The following ZBTB40 variants were observed in gnomAD, a reference collection of about 807,000 sequenced individuals.
The protein encoded by ZBTB40 is zinc finger and BTB domain-containing protein 40.
A neutral mutation model predicts 117.5 loss-of-function variants in ZBTB40; 60 were observed. The ratio of observed to expected loss-of-function variants is 0.51; its 90% CI spans 0.41 to 0.63. ZBTB40 has a LOEUF of 0.63. Ranked by LOEUF, ZBTB40 falls within the 30% of genes least tolerant of loss-of-function variation. The pLI is 0.00. For missense variants in ZBTB40, 1,287 were observed against 1,498.5 expected (o/e 0.86, Z 2.33); for synonymous variants, 525 against 577.1 (o/e 0.91, Z 1.29).
upstream of ZBTB40, among the ~76,000 whole-genome samples, chr1:22,450,956 G>C (rs186784393): frequency 8.2e-4 from 125 of 152,368 alleles, no homozygotes; most frequent in African/African-American, 2.6e-3. Context: ...ACTGTGTTCA[G>C]TGGGCCAGCG....
At position 22,497,064 on chromosome 1, in the gene ZBTB40, A is replaced by G. The variant is rs564399432; in HGVS notation, c.832-4428A>G. Reference sequence around the variant, plus strand: ...AGCCTGATGTTCGAGGGCAGGAAGCATCCAGCATGGGAGAAAGATGAAGGC... The same window carrying G: ...AGCCTGATGTTCGAGGGCAGGAAGCGTCCAGCATGGGAGAAAGATGAAGGC... On this transcript the variant is annotated intron_variant, in intron 3 of 17. Transcript: ENST00000375647. Among the ~76,000 whole-genome samples, 123 of 152,352 alleles carry G rather than the reference A, an allele frequency of 8.1e-4. 1 individual carries two copies. The highest frequency in any genetic ancestry group is 2.8e-3 in the African/African-American group (118 of 41,580).
At chr1:22,510,387 T>C (rs1225458537) in intron 9 of ZBTB40, among the ~76,000 whole-genome samples, 1 of 152,212 alleles carries the variant, frequency 6.6e-6, no homozygotes, top group Non-Finnish European at 1.5e-5. Context: ...CGCCGTAACT[T>C]CAGAGATGGG....
Position 22,526,655 on chromosome 1 carries a change from A to G in ZBTB40, c.*259A>G, listed in dbSNP as rs1174732230. ...CCACAGGCCCGCTGCTGCGGCCTCT[A>G]TGACACTGTCCATCCCCAAGTGACA... On this transcript the variant is annotated 3_prime_UTR_variant, in exon 18 of 18. Coordinates refer to ENST00000375647, the MANE Select transcript of ZBTB40 (RefSeq NM_014870.4). The G allele has an allele frequency of 3.2e-5, 15 of 472,258 alleles. No homozygotes were observed. Among genetic ancestry groups the G allele is most frequent in the Non-Finnish European group, 5.5e-5 (14 of 254,946 alleles). 29.3% of individuals were successfully genotyped at this position (472,258 alleles called of 1,614,324 possible).
intron 1 of ZBTB40, among the ~76,000 whole-genome samples, chr1:22,478,528 G>A (rs1371231953): frequency 6.6e-6 from 1 of 152,152 alleles, no homozygotes; most frequent in Non-Finnish European, 1.5e-5. Flanking sequence ...ATTAAGGCGT[G>A]AGCCACCGTG....
At position 22,490,280 on chromosome 1, in the gene ZBTB40, A is replaced by G. The variant is rs1200283998; in HGVS notation, c.332A>G (p.Asn111Ser). The change falls in exon 2 of 18, where the codon AAT (asparagine) becomes AGT (serine). Residue 111 changes from asparagine (N) to serine (S), a missense_variant. Physicochemically the swap from Asn to Ser is conservative, Grantham distance 46 (BLOSUM62 1). Around this residue, in one of 2 missense-constraint regions of ZBTB40, gnomAD observed 870 missense variants for 934.4 expected, o/e 0.93. Transcript: ENST00000375647. ...QMFDVAVSCK[N>S]LLTSLVNCSV... is the part of the protein sequence containing the mutation. ...TTTGATGTAGCTGTTAGCTGCAAAA[A>G]TCTTCTGACCAGCCTTGTAAACTGC... is the stretch of plus-strand genomic sequence containing the variant. 3.1e-6 allele frequency: 5 copies of G among 1,614,056 alleles called. No homozygotes were observed. The highest frequency in any genetic ancestry group is 2.7e-5 in the African/African-American group (2 of 74,912).
At chr1:22,433,445 A>AAAAAAAAAAAAAAAAAAAAAAAAAAAAAC (rs1640626337) in intron 1 of ZBTB40, among the ~76,000 whole-genome samples, 1 of 90,406 alleles carries the variant, frequency 1.1e-5, no homozygotes, top group Non-Finnish European at 2.1e-5. Flanking sequence ...AAAAAAAAAA[A>AAAAAAAAAAAAAAAAAAAAAAAAAAAAAC]AAAAAAAAAA....
rs2281354 is a variant in ZBTB40 at position 22,526,648 on chromosome 1, G to A, written c.*252G>A. On this transcript the variant is annotated 3_prime_UTR_variant, in exon 18 of 18. Transcript: ENST00000375647. Reference sequence around the variant, plus strand: ...TCCCTCCCCACAGGCCCGCTGCTGCGGCCTCTATGACACTGTCCATCCCCA... The same window carrying A: ...TCCCTCCCCACAGGCCCGCTGCTGCAGCCTCTATGACACTGTCCATCCCCA... 151,626 of 494,762 alleles carry A rather than the reference G, an allele frequency of 0.31. 25,856 individuals carry two copies. Among genetic ancestry groups the A allele is most frequent in the South Asian group, 0.38 (19,283 of 50,714 alleles). The allele number at this position is 494,762 out of a possible 1,614,324, so 30.6% of individuals were successfully genotyped here. A position where few individuals can be genotyped will look rare whatever the true frequency, so the allele number is the denominator to read the frequency against.
chr1:22,509,070 T>C, intron 8 of ZBTB40, 30 bp from the exon 9 acceptor site: 3 of 1,614,126 alleles, frequency 1.9e-6, no homozygotes, highest in Non-Finnish European at 2.5e-6. Context: ...ATTGTTTGCC[T>C]AATGAGTTTT....
chr1:22,480,572 G>A (rs549104268), intron 1 of ZBTB40, among the ~76,000 whole-genome samples: 1 of 151,476 alleles, frequency 6.6e-6, no homozygotes, highest in Non-Finnish European at 1.5e-5. Context: ...GGATGGTCTC[G>A]ATCTCCTGAC....
At chr1:22,455,607 G>T (rs1640986996) in intron 1 of ZBTB40, among the ~76,000 whole-genome samples, 1 of 152,116 alleles carries the variant, frequency 6.6e-6, no homozygotes, top group Non-Finnish European at 1.5e-5. Flanking sequence ...CTAAAGTATT[G>T]CAGTTTTACT....
In ZBTB40 at chr1:22,522,351, C is replaced by T. The variant is rs748643585; in HGVS notation, c.3212-26C>T. ...GAGCCAACCATTTGTTCTTTCCCAG[C>T]ACGTCTTTCTTTATGCACTTCACAG... On this transcript the variant is annotated intron_variant, in intron 15 of 17. Transcript: ENST00000375647. The T allele has an allele frequency of 6.2e-6, 10 of 1,611,710 alleles. No individual in the cohort carries two copies. The Admixed American group carries it at 1.5e-4, about 24-fold the overall frequency.
chr1:22,493,412 T>G (rs1182279411), intron 3 of ZBTB40, among the ~76,000 whole-genome samples: 1 of 152,220 alleles, frequency 6.6e-6, no homozygotes, highest in African/African-American at 2.4e-5. Flanking sequence ...GAGATGCTGC[T>G]TTGTACTTCG....
At chr1:22,461,333 T>G (rs1641127712) in intron 1 of ZBTB40, among the ~76,000 whole-genome samples, 2 of 150,998 alleles carry the variant, frequency 1.3e-5, no homozygotes, top group African/African-American at 4.8e-5. Flanking sequence ...TCCGTTGTTT[T>G]TTTTTTTTTT....
At chr1:22,472,813 C>T (rs537393730) in intron 1 of ZBTB40, among the ~76,000 whole-genome samples, 28 of 152,294 alleles carry the variant, frequency 1.8e-4, no homozygotes, top group Non-Finnish European at 4.0e-4. Context: ...GGCACAGGAT[C>T]CTGTTAGGTC....
intron 1 of ZBTB40, among the ~76,000 whole-genome samples, chr1:22,438,006 G>GGTAA (rs1640692136): frequency 6.6e-6 from 1 of 151,816 alleles, no homozygotes; most frequent in Non-Finnish European, 1.5e-5. Context: ...GGTACATGCC[G>GGTAA]GTAATCCCAG....
At chr1:22,452,985 T>A (rs1640919292) in intron 1 of ZBTB40, 1 of 152,160 alleles carries the variant, frequency 6.6e-6, no homozygotes, top group Non-Finnish European at 1.5e-5. Context: ...GAGGAAGAAA[T>A]TTGTTCTGAG....
At chr1:22,461,634 G>A (rs1009772739) in intron 1 of ZBTB40, among the ~76,000 whole-genome samples, 1 of 152,186 alleles carries the variant, frequency 6.6e-6, no homozygotes, top group Non-Finnish European at 1.5e-5. Flanking sequence ...GTACACAGAG[G>A]GGTACTGAAG....
intron 1 of ZBTB40, among the ~76,000 whole-genome samples, chr1:22,482,055 T>A (rs1490527060): frequency 6.6e-6 from 1 of 152,078 alleles, no homozygotes; most frequent in Non-Finnish European, 1.5e-5. Flanking sequence ...TAGAGCTACT[T>A]CTATTAGATA....
chr1:22,511,470 C>T, intron 10 of ZBTB40, 123 bp downstream of exon 10: 3 of 1,364,622 alleles, frequency 2.2e-6, no homozygotes, highest in Non-Finnish European at 3.0e-6. Context: ...ATTTTATATG[C>T]TCTGAATACC....
Sources: gnomAD v4.1 joint callset for allele counts (sites outside exome capture counted in the v4.1 genomes callset) on GRCh38, gnomAD v4.1.1 for gene constraint, gnomAD v4.1.1 regional missense constraint, MANE v1.5 for transcripts, NCBI Gene and HGNC (gene_info 2026-07-23, HGNC 2026-07-21) for gene names.